The following SGCD variants were observed in gnomAD, a reference collection of about 807,000 sequenced individuals.
SGCD encodes the protein delta-sarcoglycan.
A neutral mutation model predicts 36.6 loss-of-function variants in SGCD; 18 were observed. That is an observed-to-expected ratio of 0.49 (90% CI 0.34 to 0.73). The LOEUF (loss-of-function observed/expected upper bound fraction) is 0.73, where lower values mean the gene tolerates loss of function less well. Ranked by LOEUF, SGCD falls within the 30% of genes least tolerant of loss-of-function variation. The pLI is 0.01. For missense variants in SGCD, 387 were observed against 346.7 expected (o/e 1.12, Z -0.92); for synonymous variants, 133 against 130.6 (o/e 1.02, Z -0.12).
chr5:155,953,086 G>A (rs1416508365), intron 1 of SGCD, among the ~76,000 whole-genome samples: 5 of 151,858 alleles, frequency 3.3e-5, no homozygotes, highest in East Asian at 3.9e-4. Flanking sequence ...GACCTCACTC[G>A]CCCAGTTATC....
chr5:156,169,409 C>T (rs962545907), intron 3 of SGCD, among the ~76,000 whole-genome samples: 27 of 152,108 alleles, frequency 1.8e-4, no homozygotes, highest in Admixed American at 1.6e-3. Context: ...ATTGTTTGAC[C>T]TTCTGCAGAT....
chr5:156,209,163 G>A (rs1764370702), intron 3 of SGCD, among the ~76,000 whole-genome samples: 1 of 152,102 alleles, frequency 6.6e-6, no homozygotes, highest in African/African-American at 2.4e-5. Context: ...CCCATTTACT[G>A]CCAGGCAGAA....
At chr5:156,227,881 C>A (rs1764897909) in intron 3 of SGCD, among the ~76,000 whole-genome samples, 1 of 152,008 alleles carries the variant, frequency 6.6e-6, no homozygotes, top group Admixed American at 6.6e-5. Context: ...TAATTTCCGT[C>A]TTGATTTCGT....
chr5:156,261,409 A>G (rs1447328105), intron 3 of SGCD, among the ~76,000 whole-genome samples: 2 of 152,202 alleles, frequency 1.3e-5, no homozygotes, highest in Non-Finnish European at 2.9e-5. Flanking sequence ...CACATATACT[A>G]TGGTGGCCCA....
At chr5:155,770,804 GT>G in the SGCD span, among the ~76,000 whole-genome samples, 3 of 152,170 alleles carry the variant, frequency 2.0e-5, no homozygotes, top group East Asian at 1.9e-4. Context: ...CTCTTTATCA[GT>G]TTTTATCCCG....
At chr5:156,726,510 T>C (rs1224371655) in intron 7 of SGCD, among the ~76,000 whole-genome samples, 4 of 152,240 alleles carry the variant, frequency 2.6e-5, no homozygotes, top group Non-Finnish European at 1.5e-5. Context: ...TGAAATTCAC[T>C]GTTTAACTGC....
chr5:156,631,953 T>A (rs1762652819), intron 6 of SGCD, among the ~76,000 whole-genome samples: 1 of 152,176 alleles, frequency 6.6e-6, no homozygotes, highest in Non-Finnish European at 1.5e-5. Flanking sequence ...TTAGGGTATG[T>A]CTAATTGCAA....
intron 3 of SGCD, among the ~76,000 whole-genome samples, chr5:156,253,122 T>C (rs1467957719): frequency 6.6e-6 from 1 of 152,184 alleles, no homozygotes; most frequent in African/African-American, 2.4e-5. Flanking sequence ...GAGATTAGTG[T>C]GTCTCACGGA....
chr5:155,799,559 T>A, the SGCD span, among the ~76,000 whole-genome samples: 2 of 147,240 alleles, frequency 1.4e-5, no homozygotes, highest in South Asian at 4.3e-4. Flanking sequence ...GCCCAGCTAA[T>A]TTTTTTTTTT....
intron 3 of SGCD, among the ~76,000 whole-genome samples, chr5:156,131,285 C>T (rs1762315984): frequency 6.6e-6 from 1 of 152,188 alleles, no homozygotes; most frequent in East Asian, 1.9e-4. Flanking sequence ...GGCTCAAGTC[C>T]AGATGGTTTT....
intron 3 of SGCD, among the ~76,000 whole-genome samples, chr5:156,402,047 A>G (rs1772180366): frequency 6.6e-6 from 1 of 152,138 alleles, no homozygotes; most frequent in Admixed American, 6.5e-5. Context: ...GGCTTATTTC[A>G]CTTAACATAA....
chr5:156,207,748 A>G (rs1764327577), intron 3 of SGCD, among the ~76,000 whole-genome samples: 6 of 152,160 alleles, frequency 3.9e-5, no homozygotes, highest in Admixed American at 3.9e-4. Flanking sequence ...CTAAAATTAC[A>G]GGTAGGAGCC....
At chr5:156,107,501 G>C (rs1328770723) in intron 1 of SGCD, among the ~76,000 whole-genome samples, 1 of 152,010 alleles carries the variant, frequency 6.6e-6, no homozygotes, top group East Asian at 1.9e-4. Context: ...TATGCATATT[G>C]TTCTCTTCTA....
chr5:156,039,137 G>A (rs1759572867), intron 1 of SGCD, among the ~76,000 whole-genome samples: 2 of 151,924 alleles, frequency 1.3e-5, no homozygotes. Context: ...CCTCCTTTAT[G>A]GCCCACTCCA....
At chr5:156,344,416 T>C (rs1266194266) in intron 2 of SGCD, 73 bp from the exon 3 acceptor site, 1 of 1,079,894 alleles carries the variant, frequency 9.3e-7, no homozygotes, top group East Asian at 2.7e-5. Context: ...AGTTGATTTT[T>C]TTTTCCTTTA....
intron 3 of SGCD, among the ~76,000 whole-genome samples, chr5:156,429,204 A>T (rs1329087690): frequency 2.0e-5 from 3 of 150,240 alleles, no homozygotes; most frequent in Non-Finnish European, 4.4e-5. Flanking sequence ...ATATATATTT[A>T]GGACTGTGAT....
chr5:156,676,824 T>C (rs1753533818), intron 7 of SGCD, among the ~76,000 whole-genome samples: 1 of 152,212 alleles, frequency 6.6e-6, no homozygotes, highest in Admixed American at 6.5e-5. Context: ...ACTGAATGCA[T>C]TCCTTACACA....
At chr5:156,118,027 A>G (rs1044874731) in intron 2 of SGCD, 2 of 152,122 alleles carry the variant, frequency 1.3e-5, no homozygotes, top group African/African-American at 4.8e-5. Flanking sequence ...CTAGAGATAT[A>G]TGGAAAGCTA....
chr5:156,440,624 A>G (rs1753444698), intron 3 of SGCD, among the ~76,000 whole-genome samples: 2 of 152,126 alleles, frequency 1.3e-5, no homozygotes, highest in Non-Finnish European at 1.5e-5. Flanking sequence ...GCCAACACTT[A>G]TTATTCATCT....
Sources: allele counts gnomAD v4.1 joint callset (sites outside exome capture counted in the v4.1 genomes callset), GRCh38; gene constraint gnomAD v4.1.1; transcripts MANE v1.5; gene names NCBI Gene and HGNC (gene_info 2026-07-23, HGNC 2026-07-21).